SCHIP1: variants seen among roughly 807,000 people sequenced by gnomAD.
SCHIP1 encodes the protein schwannomin-interacting protein 1.
In SCHIP1, 8 loss-of-function variants were observed where a neutral mutation model predicts 29.7. The ratio of observed to expected loss-of-function variants is 0.27; its 90% CI spans 0.16 to 0.49. SCHIP1 has a LOEUF of 0.49. SCHIP1 is among the 20% of genes least tolerant of loss of function. The probability of loss-of-function intolerance (pLI) is 0.99; values close to 1 mark genes in which losing one functional copy is unlikely to be tolerated. For missense variants in SCHIP1, 193 were observed against 294.6 expected (o/e 0.66, Z 2.52); for synonymous variants, 76 against 94.9 (o/e 0.80, Z 1.16).
chr3:159,744,474 A>G, the SCHIP1 span, among the ~76,000 whole-genome samples: 96 of 152,306 alleles, frequency 6.3e-4, no homozygotes, highest in East Asian at 0.015. Flanking sequence ...ATTCTGTAGG[A>G]GTGAGGAGCA....
At chr3:159,316,697 C>T in the SCHIP1 span, among the ~76,000 whole-genome samples, 2 of 152,196 alleles carry the variant, frequency 1.3e-5, no homozygotes, top group South Asian at 2.1e-4. Context: ...AACCAGCCTT[C>T]GTACAACTGG....
intron 2 of SCHIP1, among the ~76,000 whole-genome samples, chr3:159,875,353 C>A (rs779134181): frequency 6.6e-6 from 1 of 152,004 alleles, no homozygotes; most frequent in Non-Finnish European, 1.5e-5. Flanking sequence ...ACCAGCTGTA[C>A]CCTGTCTTAT....
chr3:159,768,761 A>T, the SCHIP1 span: 1 of 152,402 alleles, frequency 6.6e-6, no homozygotes, highest in East Asian at 1.9e-4. Context: ...ACAGACCTCC[A>T]GCACCTGGTC....
chr3:159,811,471 G>A, the SCHIP1 span, among the ~76,000 whole-genome samples: 2 of 152,180 alleles, frequency 1.3e-5, no homozygotes, highest in Admixed American at 1.3e-4. Flanking sequence ...TGTGTATAGT[G>A]TGAGGTATCT....
the SCHIP1 span, among the ~76,000 whole-genome samples, chr3:159,727,459 T>C: frequency 3.3e-5 from 5 of 152,214 alleles, no homozygotes; most frequent in Admixed American, 3.3e-4. Flanking sequence ...ACAAATCTTG[T>C]CAAATGACTG....
chr3:159,359,809 A>G, the SCHIP1 span, among the ~76,000 whole-genome samples: 1 of 152,216 alleles, frequency 6.6e-6, no homozygotes, highest in Non-Finnish European at 1.5e-5. Context: ...ATGCTACTCT[A>G]AGAAAAGATC....
At chr3:159,429,075 C>T in the SCHIP1 span, among the ~76,000 whole-genome samples, 1 of 151,270 alleles carries the variant, frequency 6.6e-6, no homozygotes, top group South Asian at 2.1e-4. Context: ...AGGGATAGCA[C>T]TGGGAGATAT....
the SCHIP1 span, among the ~76,000 whole-genome samples, chr3:159,806,855 G>A: frequency 3.3e-5 from 5 of 152,280 alleles, no homozygotes; most frequent in Non-Finnish European, 1.5e-5. Context: ...GTATCATAGC[G>A]GTCAGGTAGG....
At chr3:159,316,474 G>A in the SCHIP1 span, among the ~76,000 whole-genome samples, 1 of 152,044 alleles carries the variant, frequency 6.6e-6, no homozygotes, top group Admixed American at 6.6e-5. Flanking sequence ...GCCTTCCCCA[G>A]CCCACTGACT....
chr3:159,801,593 C>T, the SCHIP1 span, among the ~76,000 whole-genome samples: 7 of 152,186 alleles, frequency 4.6e-5, 1 homozygote, highest in South Asian at 1.2e-3. Flanking sequence ...TAAAATTTTA[C>T]ATTACTTCTT....
At chr3:159,439,044 T>C in the SCHIP1 span, among the ~76,000 whole-genome samples, 941 of 152,300 alleles carry the variant, frequency 6.2e-3, 9 homozygotes, top group Non-Finnish European at 8.6e-3. Flanking sequence ...TTTCTGCCCG[T>C]AGGTCTTTGA....
At chr3:159,498,479 G>A in the SCHIP1 span, among the ~76,000 whole-genome samples, 2 of 152,154 alleles carry the variant, frequency 1.3e-5, no homozygotes, top group African/African-American at 4.8e-5. Context: ...AATAGAACTG[G>A]TAGTCTCTGT....
the SCHIP1 span, chr3:159,765,890 A>C: frequency 6.6e-6 from 1 of 152,236 alleles, no homozygotes; most frequent in Non-Finnish European, 1.5e-5. Context: ...GCCTCAATTC[A>C]GGAAAGCCAG....
the SCHIP1 span, among the ~76,000 whole-genome samples, chr3:159,468,776 TA>T: frequency 4.5e-3 from 564 of 125,940 alleles, 7 homozygotes; most frequent in African/African-American, 0.016. Context: ...TATATATATA[TA>T]TTTTTTTTAG....
the SCHIP1 span, among the ~76,000 whole-genome samples, chr3:159,566,184 C>T: frequency 6.6e-6 from 1 of 152,138 alleles, no homozygotes; most frequent in African/African-American, 2.4e-5. Flanking sequence ...AGCTGGACAC[C>T]TGTCCTGTGA....
the SCHIP1 span, among the ~76,000 whole-genome samples, chr3:159,423,468 C>A: frequency 1.3e-5 from 2 of 152,218 alleles, no homozygotes; most frequent in Non-Finnish European, 2.9e-5. Flanking sequence ...GCACAGAAGT[C>A]TGACATCAAA....
the SCHIP1 span, among the ~76,000 whole-genome samples, chr3:159,730,725 A>G: frequency 6.6e-6 from 1 of 152,372 alleles, no homozygotes; most frequent in Admixed American, 6.5e-5. Context: ...AGAGTAAAGC[A>G]AATAAATCAT....
At chr3:159,792,652 A>C in the SCHIP1 span, among the ~76,000 whole-genome samples, 1 of 152,232 alleles carries the variant, frequency 6.6e-6, no homozygotes, top group Non-Finnish European at 1.5e-5. Context: ...AAATGGCTAC[A>C]GTTCCCTTGC....
chr3:159,789,785 A>T, the SCHIP1 span, among the ~76,000 whole-genome samples: 2 of 152,244 alleles, frequency 1.3e-5, no homozygotes, highest in African/African-American at 4.8e-5. Flanking sequence ...TTTATCAGGG[A>T]TGTACCCAGT....
Sources: gnomAD v4.1 joint callset for allele counts (sites outside exome capture counted in the v4.1 genomes callset) on GRCh38, gnomAD v4.1.1 for gene constraint, MANE v1.5 for transcripts, NCBI Gene and HGNC (gene_info 2026-07-23, HGNC 2026-07-21) for gene names.